Variants in CDH13 observed in about 807,000 individuals in gnomAD.
The protein encoded by CDH13 is cadherin 13.
A neutral mutation model predicts 63.8 loss-of-function variants in CDH13; 24 were observed. The observed-to-expected ratio is 0.38, with a 90% confidence interval of 0.27 to 0.53. The LOEUF is 0.53. Among genes scored for constraint, CDH13 ranks in the 20% least tolerant of loss-of-function variants. The probability of loss-of-function intolerance (pLI) is 0.85; values close to 1 mark genes in which losing one functional copy is unlikely to be tolerated. For synonymous variants in CDH13, 503 were observed against 355.3 expected (o/e 1.42, Z -4.67); for missense variants, 1,049 against 903.1 (o/e 1.16, Z -2.07).
At chr16:82,739,246 C>T (rs576126029) in intron 1 of CDH13, among the ~76,000 whole-genome samples, 13 of 152,130 alleles carry the variant, frequency 8.5e-5, no homozygotes, top group Non-Finnish European at 1.6e-4. Flanking sequence ...AAATCCTTTT[C>T]AGATGATATG....
chr16:83,760,407 C>G (rs1276277492), intron 11 of CDH13, among the ~76,000 whole-genome samples: 6 of 152,196 alleles, frequency 3.9e-5, no homozygotes, highest in African/African-American at 1.4e-4. Context: ...AGAATATCCA[C>G]TATTCATAAG....
intron 4 of CDH13, among the ~76,000 whole-genome samples, chr16:83,177,197 C>T (rs184524336): frequency 1.0e-3 from 153 of 152,282 alleles, no homozygotes; most frequent in African/African-American, 3.3e-3. Flanking sequence ...GAGCATACCT[C>T]TGAGACTCAA....
rs78810568 is a variant in CDH13, at chr16:82,636,663, T to C, written c.45+9526T>C. Among the ~76,000 whole-genome samples the C allele has an allele frequency of 8.8e-3, 1,342 of 152,232 alleles. 17 individuals are homozygous for C. Among genetic ancestry groups the C allele is most frequent in the Non-Finnish European group, 0.01 (688 of 68,012 alleles). On this transcript the variant is annotated intron_variant, in intron 1 of 13. Coordinates refer to ENST00000567109, the MANE Select transcript of CDH13 (RefSeq NM_001257.5). ...TAGCCTTGGTGACTTCTGTTTGTGG[T>C]GTAGTAGGAGAATATTCAACTGGGT...
chr16:83,160,249 G>T (rs532577295), intron 4 of CDH13, among the ~76,000 whole-genome samples: 7 of 152,176 alleles, frequency 4.6e-5, no homozygotes, highest in Admixed American at 4.6e-4. Context: ...ACTCTGGTGG[G>T]GGTCATTGGT....
chr16:83,291,908 G>A (rs1048421243), intron 5 of CDH13, among the ~76,000 whole-genome samples: 7 of 152,170 alleles, frequency 4.6e-5, no homozygotes, highest in East Asian at 1.9e-4. Flanking sequence ...CCAGGTCAGA[G>A]TTCCTCCAAG....
At chr16:82,930,946 CT>C (rs1218065296) in intron 2 of CDH13, among the ~76,000 whole-genome samples, 1 of 152,226 alleles carries the variant, frequency 6.6e-6, no homozygotes, top group Non-Finnish European at 1.5e-5. Context: ...CGACTTGTGG[CT>C]TTGTCATTTC....
At chr16:83,430,615 G>A (rs1453437807) in intron 6 of CDH13, among the ~76,000 whole-genome samples, 8 of 152,012 alleles carry the variant, frequency 5.3e-5, no homozygotes, top group African/African-American at 9.7e-5. Flanking sequence ...AGCATTTTCA[G>A]TGGTAAAGAA....
intron 5 of CDH13, among the ~76,000 whole-genome samples, chr16:83,343,343 A>C (rs1005992329): frequency 6.6e-6 from 1 of 152,204 alleles, no homozygotes; most frequent in African/African-American, 2.4e-5. Context: ...TTGTATTGTA[A>C]TATGTTGTTA....
chr16:82,902,388 GAA>G (rs61241730), intron 2 of CDH13, among the ~76,000 whole-genome samples: 47 of 138,146 alleles, frequency 3.4e-4, no homozygotes, highest in African/African-American at 8.2e-4. Context: ...CAGGTTAGGA[GAA>G]AAAAAAAAAA....
At chr16:82,902,484 G>A (rs989322401) in intron 2 of CDH13, among the ~76,000 whole-genome samples, 1 of 151,724 alleles carries the variant, frequency 6.6e-6, no homozygotes, top group Non-Finnish European at 1.5e-5. Context: ...ATTGTGCCTG[G>A]CAGTGCCACA....
At chr16:83,134,236 G>A (rs1485207446) in intron 4 of CDH13, among the ~76,000 whole-genome samples, 4 of 151,938 alleles carry the variant, frequency 2.6e-5, no homozygotes, top group African/African-American at 4.8e-5. Context: ...TCTGTCGCCC[G>A]GGCTGGAGTG....
chr16:83,664,478 A>G (rs148657436), intron 8 of CDH13, among the ~76,000 whole-genome samples: 3 of 150,740 alleles, frequency 2.0e-5, no homozygotes, highest in Admixed American at 2.0e-4. Flanking sequence ...TAAAATTTTT[A>G]TGTAAATATA....
chr16:83,215,073 C>CTT lies in CDH13; in HGVS notation c.484-2252_484-2251dup, dbSNP rs571565652. Reference sequence around the variant, plus strand: ...TTTCATCAGAGAGTATCAAACACCTCTTTTTTTTTTTTTTTTTTTTTGAGA... The same window carrying CTT: ...TTTCATCAGAGAGTATCAAACACCTCTTTTTTTTTTTTTTTTTTTTTTTGAGA... On this transcript the variant is annotated intron_variant, in intron 4 of 13. Coordinates refer to ENST00000567109, the MANE Select transcript of CDH13 (RefSeq NM_001257.5). Among the ~76,000 whole-genome samples, 370 of 56,218 alleles carry CTT rather than the reference C, an allele frequency of 6.6e-3. 47 individuals are homozygous for CTT. Among genetic ancestry groups the CTT allele is most frequent in the African/African-American group, 0.025 (348 of 13,890 alleles). 36.9% of individuals were successfully genotyped at this position (56,218 alleles called of 152,430 possible). A position where few individuals can be genotyped will look rare whatever the true frequency, so the allele number is the denominator to read the frequency against.
chr16:83,440,855 T>C (rs2072460652), intron 6 of CDH13, among the ~76,000 whole-genome samples: 1 of 151,420 alleles, frequency 6.6e-6, no homozygotes, highest in South Asian at 2.1e-4. Context: ...ACCTGGCCTT[T>C]CTTAATTGTC....
intron 5 of CDH13, among the ~76,000 whole-genome samples, chr16:83,269,873 T>C (rs573142868): frequency 6.6e-6 from 1 of 152,342 alleles, no homozygotes; most frequent in East Asian, 1.9e-4. Context: ...GATTTGTCTG[T>C]CCTGCTTCCT....
At position 82,644,549 on chromosome 16, in the gene CDH13, G is replaced by C. The variant is rs1253682372; in HGVS notation, c.45+17412G>C. ...AGAGCTGGTCCCCAGACCAGGCCCA[G>C]TGCACGAGTTTGGGTGCTGGAAGGG... On this transcript the variant is annotated intron_variant, in intron 1 of 13. Transcript: ENST00000567109. This position sits in a 1 kb window ranked among gnomAD's most constrained non-coding sequence, Gnocchi z 5.7. Among the ~76,000 whole-genome samples the C allele has an allele frequency of 1.3e-5, 2 of 152,212 alleles. No homozygotes were observed. Among genetic ancestry groups the C allele is most frequent in the Non-Finnish European group, 2.9e-5 (2 of 68,034 alleles).
chr16:83,773,875 G>A (rs1395267233), intron 11 of CDH13, among the ~76,000 whole-genome samples: 3 of 152,054 alleles, frequency 2.0e-5, no homozygotes, highest in South Asian at 4.1e-4. Flanking sequence ...CCCCACAGAG[G>A]CCCATTTCTA....
chr16:83,206,207 C>G (rs1483854747), intron 4 of CDH13, among the ~76,000 whole-genome samples: 1 of 152,214 alleles, frequency 6.6e-6, no homozygotes, highest in Non-Finnish European at 1.5e-5. Flanking sequence ...CAACCATCTT[C>G]TCAAAAACAA....
intron 9 of CDH13, among the ~76,000 whole-genome samples, chr16:83,671,403 C>T (rs2150857872): frequency 6.6e-6 from 1 of 152,196 alleles, no homozygotes; most frequent in Middle Eastern, 3.4e-3. Context: ...TGCCTGCCAC[C>T]ATGTCCGGCC....
Sources: allele counts gnomAD v4.1 joint callset (sites outside exome capture counted in the v4.1 genomes callset), GRCh38; gene constraint gnomAD v4.1.1; non-coding constraint Gnocchi (gnomAD v3.1); transcripts MANE v1.5; gene names NCBI Gene and HGNC (gene_info 2026-07-23, HGNC 2026-07-21).